Variants in CCDC178 observed in about 807,000 individuals in gnomAD.
CCDC178 encodes the protein coiled-coil domain containing 178, also known as coiled-coil domain-containing protein 178.
Under a neutral mutation model 117.4 loss-of-function variants are expected in CCDC178, and 126 were observed. The observed-to-expected ratio is 1.07, with a 90% CI of 0.93 to 1.24. CCDC178 has a LOEUF of 1.24. Among genes scored for constraint, CCDC178 ranks in the 50% most tolerant of loss-of-function variants. The pLI, the probability that CCDC178 is intolerant of heterozygous loss-of-function variation, is 0.00. For synonymous variants in CCDC178, 283 were observed against 313.4 expected, an observed-to-expected ratio of 0.90 and a Z score of 1.02; for missense variants, 1,030 against 986.9, an observed-to-expected ratio of 1.04 and a Z score of -0.59.
chr18:32,953,341 A>C (rs2144633341), intron 22 of CCDC178, among the ~76,000 whole-genome samples: 1 of 152,246 alleles, frequency 6.6e-6, no homozygotes, highest in South Asian at 2.1e-4. Context: ...GCCATTCAAC[A>C]AGTCTCTAGG....
chr18:33,415,704 A>G (rs1418941213), intron 2 of CCDC178, among the ~76,000 whole-genome samples: 2 of 152,198 alleles, frequency 1.3e-5, no homozygotes, highest in Admixed American at 1.3e-4. Context: ...AGTTTAAAAA[A>G]AACAGAAATA....
intron 10 of CCDC178, among the ~76,000 whole-genome samples, chr18:33,328,871 T>C (rs1775881221): frequency 6.6e-6 from 1 of 152,168 alleles, no homozygotes; most frequent in Admixed American, 6.5e-5. Context: ...ATTGCATTGA[T>C]TTCATAGATA....
At chr18:33,220,615 ATAC>A (rs2059220760) in intron 18 of CCDC178, among the ~76,000 whole-genome samples, 1 of 152,122 alleles carries the variant, frequency 6.6e-6, no homozygotes, top group Non-Finnish European at 1.5e-5. Context: ...TATAAATGCA[ATAC>A]TAAGTACTTC....
At chr18:33,163,247 A>G (rs2058488760) in intron 20 of CCDC178, among the ~76,000 whole-genome samples, 1 of 152,126 alleles carries the variant, frequency 6.6e-6, no homozygotes, top group Admixed American at 6.6e-5. Flanking sequence ...TGAAAAGAAC[A>G]TAATTTTAAA....
Position 33,263,203 on chromosome 18 carries a change from C to T in CCDC178, c.1409+3713G>A, listed in dbSNP as rs200209100. On this transcript the variant is annotated intron_variant, in intron 14 of 22. Coordinates refer to ENST00000383096, the MANE Select transcript of CCDC178 (RefSeq NM_001105528.4). ...GAGGACAAGCTCATGTACTGCATAG[C>T]CTCATGAATGGGATAGTCTTTCCGG... Among the ~76,000 whole-genome samples, 19 of 152,244 alleles carry T rather than the reference C, an allele frequency of 1.2e-4. No individual in the cohort carries two copies. In the East Asian group the frequency reaches 2.3e-3, roughly 19 times the overall value.
At chr18:33,078,722 C>T (rs1045897360) in intron 21 of CCDC178, among the ~76,000 whole-genome samples, 5 of 152,000 alleles carry the variant, frequency 3.3e-5, no homozygotes, top group African/African-American at 9.7e-5. Context: ...TGCAGGTAAC[C>T]ATGGAGGTGA....
intron 20 of CCDC178, among the ~76,000 whole-genome samples, chr18:33,093,628 G>A (rs1057474893): frequency 6.6e-6 from 1 of 150,994 alleles, no homozygotes; most frequent in Non-Finnish European, 1.5e-5. Context: ...CAAATTGGGG[G>A]CTATCTATAA....
At chr18:33,280,714 CAAT>C (rs1418901604) in intron 12 of CCDC178, among the ~76,000 whole-genome samples, 33 of 152,072 alleles carry the variant, frequency 2.2e-4, no homozygotes, top group Non-Finnish European at 4.3e-4. Flanking sequence ...AAATGTCCAA[CAAT>C]GATAGACTGG....
At chr18:33,045,471 T>C (rs989292207) in intron 21 of CCDC178, among the ~76,000 whole-genome samples, 1 of 152,172 alleles carries the variant, frequency 6.6e-6, no homozygotes, top group African/African-American at 2.4e-5. Flanking sequence ...TTATTGAACA[T>C]CTACTTTGCC....
chr18:33,332,338 A>G (rs1381964013), intron 10 of CCDC178, among the ~76,000 whole-genome samples: 1 of 152,162 alleles, frequency 6.6e-6, no homozygotes, highest in African/African-American at 2.4e-5. Context: ...TTACTTTAAA[A>G]TGTTCAAAAA....
intron 4 of CCDC178, among the ~76,000 whole-genome samples, chr18:33,392,847 T>C (rs2144832512): frequency 6.6e-6 from 1 of 151,980 alleles, no homozygotes; most frequent in South Asian, 2.1e-4. Context: ...AAACCCTCTC[T>C]CTAAAAAATA....
chr18:33,095,711 A>C (rs1486005725), intron 20 of CCDC178, among the ~76,000 whole-genome samples: 1 of 151,832 alleles, frequency 6.6e-6, no homozygotes, highest in Non-Finnish European at 1.5e-5. Context: ...TGGCAATATA[A>C]CCACCATTAT....
At chr18:33,170,217 G>GCTCTGTGTAACCCAGAGC (rs1373934268) in intron 20 of CCDC178, among the ~76,000 whole-genome samples, 10 of 152,096 alleles carry the variant, frequency 6.6e-5, no homozygotes, top group Admixed American at 5.9e-4. Flanking sequence ...GGAGTTTAAG[G>GCTCTGTGTAACCCAGAGC]CTCTGTGTAA....
chr18:33,276,519 G>T (rs1323027515), intron 12 of CCDC178, among the ~76,000 whole-genome samples: 1 of 152,056 alleles, frequency 6.6e-6, no homozygotes, highest in Non-Finnish European at 1.5e-5. Flanking sequence ...ACCAGTAGAG[G>T]GAACTGAGAA....
intron 12 of CCDC178, among the ~76,000 whole-genome samples, chr18:33,290,323 T>A (rs1050491402): frequency 6.6e-6 from 1 of 152,172 alleles, no homozygotes; most frequent in Non-Finnish European, 1.5e-5. Context: ...CAGGATCACA[T>A]TACAAATCAA....
At chr18:33,024,287 G>A (rs1347955250) in intron 21 of CCDC178, among the ~76,000 whole-genome samples, 1 of 152,146 alleles carries the variant, frequency 6.6e-6, no homozygotes, top group African/African-American at 2.4e-5. Context: ...CACAGTTCTG[G>A]AGGCTACATG....
chr18:33,368,756 T>C (rs936169372), intron 6 of CCDC178, among the ~76,000 whole-genome samples: 8 of 151,926 alleles, frequency 5.3e-5, no homozygotes, highest in Non-Finnish European at 1.0e-4. Flanking sequence ...CAATAACCAT[T>C]CAATAGTTTT....
intron 21 of CCDC178, among the ~76,000 whole-genome samples, chr18:32,985,010 C>T (rs1817217401): frequency 6.6e-6 from 1 of 151,798 alleles, no homozygotes. Flanking sequence ...TCTTTATAGT[C>T]TTCTGAGACC....
chr18:32,956,689 T>C (rs1487080047), intron 22 of CCDC178: 2 of 152,148 alleles, frequency 1.3e-5, no homozygotes, highest in Non-Finnish European at 2.9e-5. Flanking sequence ...TAAAGTACTG[T>C]AGAAACATGA....
Sources: allele counts gnomAD v4.1 joint callset (sites outside exome capture counted in the v4.1 genomes callset), GRCh38; gene constraint gnomAD v4.1.1; transcripts MANE v1.5; gene names NCBI Gene and HGNC (gene_info 2026-07-23, HGNC 2026-07-21).